TBC1D9B: variants seen among roughly 807,000 people sequenced by gnomAD.
TBC1D9B encodes the protein TBC1 domain family, member 9B (with GRAM domain).
In TBC1D9B, 87 loss-of-function variants were observed where a neutral mutation model predicts 121.1. That is an observed-to-expected ratio of 0.72 (90% CI 0.60 to 0.86). The LOEUF (loss-of-function observed/expected upper bound fraction) is 0.86. Among genes scored for constraint, TBC1D9B ranks in the 40% least tolerant of loss-of-function variants. The pLI is 0.00. For missense variants in TBC1D9B, 1,540 were observed against 1,628.6 expected (o/e 0.95, Z 0.94); for synonymous variants, 668 against 670.1 (o/e 1.00, Z 0.05).
intron 6 of TBC1D9B, among the ~76,000 whole-genome samples, chr5:179,889,264 G>A (rs1430867270): frequency 6.6e-6 from 1 of 152,076 alleles, no homozygotes; most frequent in African/African-American, 2.4e-5. Context: ...TCCTGACCTC[G>A]TGACCCACCC....
At chr5:179,884,370 A>C (rs1231650779) in intron 7 of TBC1D9B, 1 of 152,184 alleles carries the variant, frequency 6.6e-6, no homozygotes, top group Admixed American at 6.5e-5. Flanking sequence ...GCCTCAGCAC[A>C]GCTACTGGCT....
rs1347440507 is a variant in TBC1D9B at position 179,904,447 on chromosome 5, G to A, written c.229+255C>T. Among the ~76,000 whole-genome samples, 3 of 151,950 alleles carry A rather than the reference G, an allele frequency of 2.0e-5. No individual in the cohort carries two copies. The highest frequency in any genetic ancestry group is 1.3e-4 in the Admixed American group (2 of 15,260). Reference sequence around the variant, plus strand: ...TCACCGTGTTAGCCAGGATGGTCTCGATCTCCTGACCTCGTGATCAGCCCG... The same window carrying A: ...TCACCGTGTTAGCCAGGATGGTCTCAATCTCCTGACCTCGTGATCAGCCCG... On this transcript the variant is annotated intron_variant, in intron 2 of 20. Coordinates refer to ENST00000355235, the MANE Select transcript of TBC1D9B (RefSeq NM_015043.4). This position sits in a 1 kb window ranked among gnomAD's most constrained non-coding sequence, Gnocchi z 4.2.
In TBC1D9B at chr5:179,863,883, GT is replaced by G; in HGVS notation, c.3266del (p.Asp1089AlafsTer103). ...TGTCTCCGCCTGCTTTGGCTTGGGG[GT>G]CTCCTGCAGCTGGGGGCTGAAGCTC... is the stretch of plus-strand genomic sequence containing the variant. ...ARELQPPAAG[D>X]PQAKAGGDTH... On this transcript the variant is annotated frameshift_variant, in exon 21 of 21. Transcript: ENST00000355235. LOFTEE classifies it low-confidence loss of function (END_TRUNC). This position sits in a 1 kb window ranked among gnomAD's most constrained non-coding sequence, Gnocchi z 4.5. 1 of 1,613,148 alleles carries G rather than the reference GT, an allele frequency of 6.2e-7. No homozygotes were observed.
Position 179,870,288 on chromosome 5 carries a change from G to C in TBC1D9B, c.2692C>G (p.Leu898Val), listed in dbSNP as rs1760149610. ...FRLLDENKDS[L>V]INFKEFVTGM... ...GTCACGAACTCCTTGAAGTTGATCAGCGAGTCCTTGTTTTCGTCCAGGAGC... is the reference window on the plus strand; with the variant it reads ...GTCACGAACTCCTTGAAGTTGATCACCGAGTCCTTGTTTTCGTCCAGGAGC... The change falls in exon 16 of 21, where the codon CTG becomes GTG. Residue 898 changes from leucine to valine, a missense_variant. Leu to Val is a conservative substitution (Grantham distance 32). Transcript: ENST00000355235. The C allele has an allele frequency of 6.2e-7, 1 of 1,613,812 alleles. No homozygotes were observed. The highest frequency in any genetic ancestry group is 1.3e-5 in the African/African-American group (1 of 74,938).
At chr5:179,894,345 T>C in intron 4 of TBC1D9B, 41 bp downstream of exon 4, 1 of 1,544,574 alleles carries the variant, frequency 6.5e-7, no homozygotes, top group South Asian at 1.2e-5. Context: ...AGGGAGGGGC[T>C]GAGGGTGTGG....
intron 4 of TBC1D9B, 112 bp from the exon 5 acceptor site, chr5:179,893,579 T>A: frequency 7.2e-7 from 1 of 1,396,846 alleles, no homozygotes; most frequent in Non-Finnish European, 9.6e-7. Context: ...GGGGCAGCAC[T>A]TCCTGTGTGC....
chr5:179,879,672 G>T lies in TBC1D9B; in HGVS notation c.1372C>A (p.Leu458Ile). ...APTASQGLLK[L>I]FQKNSPMEDL... ...TCCATGGGCGAGTTTTTCTGGAAGA[G>T]CTTCAGCAGGCCCTGGGATGCGGTT... is the stretch of plus-strand genomic sequence containing the variant. Residue 458 changes from leucine (L) to isoleucine (I), a missense_variant, in exon 8 of 21, where the codon CTC (leucine) becomes ATC (isoleucine). Transcript: ENST00000355235. 6.2e-7 allele frequency: 1 copy of T among 1,614,166 alleles called. No individual in the cohort carries two copies. The highest frequency in any genetic ancestry group is 8.5e-7 in the Non-Finnish European group (1 of 1,180,016).
intron 2 of TBC1D9B, among the ~76,000 whole-genome samples, chr5:179,900,851 CTG>C (rs1761147011): frequency 6.6e-6 from 1 of 152,190 alleles, no homozygotes; most frequent in Non-Finnish European, 1.5e-5. Flanking sequence ...GCCAGTGTGA[CTG>C]TGAACCAGAC....
chr5:179,900,027 C>T (rs1427239956), intron 2 of TBC1D9B, among the ~76,000 whole-genome samples: 2 of 152,022 alleles, frequency 1.3e-5, no homozygotes, highest in East Asian at 1.9e-4. Context: ...CCCAGGAGTT[C>T]GAGATCAGCC....
chr5:179,891,810 G>A lies in TBC1D9B; in HGVS notation c.837-224C>T, dbSNP rs1006341299. On this transcript the variant is annotated intron_variant, in intron 5 of 20. Transcript: ENST00000355235. This position sits in a 1 kb window ranked among gnomAD's most constrained non-coding sequence, Gnocchi z 4.3. Reference sequence around the variant, plus strand: ...ACAGTCACATAACCAGCGGAGAAGTGGCCAGCAAGCAATGTGTCCTGAGAC... The same window carrying A: ...ACAGTCACATAACCAGCGGAGAAGTAGCCAGCAAGCAATGTGTCCTGAGAC... Among the ~76,000 whole-genome samples, 33 of 152,140 alleles carry A rather than the reference G, an allele frequency of 2.2e-4. No homozygotes were observed. The highest frequency in any genetic ancestry group is 7.5e-4 in the African/African-American group (31 of 41,418).
intron 18 of TBC1D9B, 144 bp downstream of exon 18, chr5:179,867,634 G>GC (rs1215316367): frequency 6.7e-7 from 1 of 1,481,660 alleles, no homozygotes; most frequent in African/African-American, 1.4e-5. Flanking sequence ...GCAGAGCCCA[G>GC]CCCGTGGTCC....
chr5:179,867,239 A>C, intron 18 of TBC1D9B: 1 of 546,920 alleles, frequency 1.8e-6, no homozygotes, highest in Non-Finnish European at 3.3e-6. Context: ...CTTGGCGCCT[A>C]GTGTGGGGGC....
chr5:179,902,136 C>T lies in TBC1D9B; in HGVS notation c.229+2566G>A, dbSNP rs1383840169. Among the ~76,000 whole-genome samples, 2 of 152,264 alleles carry T rather than the reference C, an allele frequency of 1.3e-5. No individual in the cohort carries two copies. Among genetic ancestry groups the T allele is most frequent in the South Asian group, 2.1e-4 (1 of 4,836 alleles). ...CCTCGGAAGCTCCCGGCCTCATGGG[C>T]TTCCACGTAAAAGCGTGTGCAGACA... On this transcript the variant is annotated intron_variant, in intron 2 of 20. Transcript: ENST00000355235. This position sits in a 1 kb window ranked among gnomAD's most constrained non-coding sequence, Gnocchi z 4.9.
chr5:179,875,153 G>A lies in TBC1D9B; in HGVS notation c.1935C>T (p.Leu645=), dbSNP rs1237391977. 13 of 1,613,588 alleles carry A rather than the reference G, an allele frequency of 8.1e-6. No homozygotes were observed. Among genetic ancestry groups the A allele is most frequent in the Admixed American group, 1.7e-5 (1 of 60,000 alleles). ...AGAGCTGCGGCAGGAAGTCTCTCGT[G>A]AGCTCTTCGAAGATGCCTTGGTCCA... The part of the protein sequence containing the change: ...ALVDQGIFEE[L]TRDFLPQLSE... Residue 645 remains leucine, a synonymous_variant, in exon 12 of 21, where the codon CTC becomes CTT. Transcript: ENST00000355235. The surrounding 1 kb of genome is among the most constrained non-coding windows in gnomAD (Gnocchi z 4.5).
Position 179,891,245 on chromosome 5 carries a change from T to A in TBC1D9B, c.1044+134A>T, listed in dbSNP as rs532985177. 1.8e-4 allele frequency: 178 copies of A among 968,056 alleles called. No homozygotes were observed. The highest frequency in any genetic ancestry group is 2.7e-4 in the Non-Finnish European group (169 of 635,864). The allele number at this position is 968,056 out of a possible 1,614,324, so 60.0% of individuals were successfully genotyped here. A position where few individuals can be genotyped will look rare whatever the true frequency, so the allele number is the denominator to read the frequency against. On this transcript the variant is annotated intron_variant, in intron 6 of 20. Transcript: ENST00000355235. This position sits in a 1 kb window ranked among gnomAD's most constrained non-coding sequence, Gnocchi z 4.3. ...CCACCTGTCCCATCACTGAGTGACA[T>A]GTGACTGCCTGGGCTAGGGCATCCT...
At position 179,867,762 on chromosome 5, in the gene TBC1D9B, TC is replaced by T. The variant is rs1321855254; in HGVS notation, c.2863+15del. 3 of 1,591,990 alleles carry T rather than the reference TC, an allele frequency of 1.9e-6. No homozygotes were observed. Among genetic ancestry groups the T allele is most frequent in the Non-Finnish European group, 2.6e-6 (3 of 1,167,116 alleles). ...AGTGCTGGCTGGGCATGTCGGGTGT[TC>T]CAGTGGCCGCTCACCTTCTGAGGAG... is the stretch of plus-strand genomic sequence containing the variant. On this transcript the variant is annotated intron_variant, in intron 18 of 20. Transcript: ENST00000355235.
rs941721947 is a variant in TBC1D9B at position 179,902,999 on chromosome 5, G to A, written c.229+1703C>T. 9.2e-5 allele frequency among the ~76,000 whole-genome samples: 14 copies of A among 152,278 alleles called. No individual in the cohort carries two copies. The highest frequency in any genetic ancestry group is 3.4e-4 in the African/African-American group (14 of 41,558). On this transcript the variant is annotated intron_variant, in intron 2 of 20. Transcript: ENST00000355235. The surrounding 1 kb of genome is among the most constrained non-coding windows in gnomAD (Gnocchi z 4.9). The stretch of plus-strand genomic sequence containing the variant: ...ACCTGGGAGTGGGGCTATTCCCGGG[G>A]TGCCGCCCGCCCTGTGCTTTTACTT...
At chr5:179,880,002 GTAAT>G in intron 7 of TBC1D9B, 1 of 613,452 alleles carries the variant, frequency 1.6e-6, no homozygotes, top group South Asian at 2.0e-5. Context: ...CGAGTCCTCA[GTAAT>G]TAACCCCACT....
intron 12 of TBC1D9B, 47 bp from the exon 13 acceptor site, chr5:179,873,295 G>C: frequency 6.6e-7 from 1 of 1,517,886 alleles, no homozygotes; most frequent in Non-Finnish European, 8.8e-7. Context: ...CAGGCAGAGG[G>C]AGCCTCCTTC....
Sources: gnomAD v4.1 joint callset for allele counts (sites outside exome capture counted in the v4.1 genomes callset) on GRCh38, gnomAD v4.1.1 for gene constraint, Gnocchi (gnomAD v3.1) non-coding constraint, MANE v1.5 for transcripts, NCBI Gene and HGNC (gene_info 2026-07-23, HGNC 2026-07-21) for gene names.